The following RARB variants were observed in gnomAD, a reference collection of about 807,000 sequenced individuals.
RARB encodes HBV-activated protein.
In RARB, 17 loss-of-function variants were observed where a neutral mutation model predicts 51.9. The observed-to-expected ratio is 0.33, with a 90% CI of 0.22 to 0.49. The LOEUF is 0.49. RARB is among the 20% of genes least tolerant of loss of function. The pLI is 0.99. For missense variants in RARB, 369 were observed against 550.8 expected (o/e 0.67, Z 3.30); for synonymous variants, 215 against 195.4 (o/e 1.10, Z -0.84).
At chr3:25,555,258 A>T (rs1412400942) in intron 3 of RARB, among the ~76,000 whole-genome samples, 1 of 151,804 alleles carries the variant, frequency 6.6e-6, no homozygotes, top group Non-Finnish European at 1.5e-5. Context: ...TTGCTCCTTC[A>T]CCTCTTTCAG....
At chr3:25,332,407 A>T (rs1704926877) in intron 5 of RARB, among the ~76,000 whole-genome samples, 1 of 152,276 alleles carries the variant, frequency 6.6e-6, no homozygotes, top group Non-Finnish European at 1.5e-5. Flanking sequence ...GCATATAAAC[A>T]GAACCAATGA....
intron 3 of RARB, among the ~76,000 whole-genome samples, chr3:25,072,572 A>G (rs937212124): frequency 2.0e-5 from 3 of 152,220 alleles, no homozygotes; most frequent in Non-Finnish European, 4.4e-5. Flanking sequence ...CTGGGTTTTC[A>G]GATACAAAGA....
At chr3:25,397,893 A>AG (rs1469506996) in intron 5 of RARB, among the ~76,000 whole-genome samples, 1 of 151,584 alleles carries the variant, frequency 6.6e-6, no homozygotes, top group Admixed American at 6.6e-5. Flanking sequence ...ATTAGAAAAA[A>AG]AAAAAATTCT....
intron 5 of RARB, chr3:25,324,525 G>T: frequency 6.3e-6 from 1 of 159,962 alleles, no homozygotes; most frequent in Non-Finnish European, 1.4e-5. Flanking sequence ...CAACTCCAAG[G>T]ACACTATCAA....
intron 2 of RARB, among the ~76,000 whole-genome samples, chr3:25,055,446 T>C (rs1020362559): frequency 7.2e-5 from 11 of 152,138 alleles, no homozygotes; most frequent in African/African-American, 2.7e-4. Context: ...GTACAATATA[T>C]ATACAGAGAT....
rs991538562 is a variant in RARB at position 25,565,397 on chromosome 3, C to T, written c.449-4361C>T. Among the ~76,000 whole-genome samples the T allele has an allele frequency of 2.6e-5, 4 of 152,014 alleles. No individual in the cohort carries two copies. In the East Asian group the frequency reaches 5.8e-4, roughly 22 times the overall value. ...TCAGTATTGTGGTAAATAATACTCTCGTATATTAATTGCAGTACATGTAAT... is the reference window on the plus strand; with the variant it reads ...TCAGTATTGTGGTAAATAATACTCTTGTATATTAATTGCAGTACATGTAAT... On this transcript the variant is annotated intron_variant, in intron 3 of 7. Transcript: ENST00000330688.
chr3:25,506,806 C>T lies in RARB; in HGVS notation c.448+5483C>T, dbSNP rs116492295. 4.5e-3 allele frequency among the ~76,000 whole-genome samples: 690 copies of T among 152,378 alleles called. 8 individuals carry two copies. Among genetic ancestry groups the T allele is most frequent in the African/African-American group, 0.016 (662 of 41,604 alleles). ...CAATGTCTGCTTTAAGTGGCTCATC[C>T]GGTGGCCAAGGATGCCACTTAGGGC... On this transcript the variant is annotated intron_variant, in intron 3 of 7. Coordinates refer to ENST00000330688, the MANE Select transcript of RARB (RefSeq NM_000965.5).
chr3:25,102,023 C>T (rs913440050), intron 3 of RARB, among the ~76,000 whole-genome samples: 3 of 152,044 alleles, frequency 2.0e-5, no homozygotes, highest in Admixed American at 6.6e-5. Context: ...GTCCTTAAAC[C>T]AACATTTTTG....
At chr3:25,026,869 G>A (rs1697760358) in intron 2 of RARB, among the ~76,000 whole-genome samples, 1 of 152,156 alleles carries the variant, frequency 6.6e-6, no homozygotes, top group South Asian at 2.1e-4. Flanking sequence ...TAGCAATTCT[G>A]TAACACAATA....
intron 2 of RARB, among the ~76,000 whole-genome samples, chr3:24,876,447 A>G (rs1452457930): frequency 6.6e-6 from 1 of 152,166 alleles, no homozygotes; most frequent in African/African-American, 2.4e-5. Context: ...TTAGAATCCA[A>G]TGAAAATAAG....
At chr3:25,419,118 A>G (rs1390920173) in intron 5 of RARB, among the ~76,000 whole-genome samples, 1 of 152,076 alleles carries the variant, frequency 6.6e-6, no homozygotes, top group African/African-American at 2.4e-5. Flanking sequence ...ATAATCTAAT[A>G]GTAATAAGCT....
intron 2 of RARB, among the ~76,000 whole-genome samples, chr3:25,471,692 A>G (rs368637788): frequency 6.6e-6 from 1 of 152,062 alleles, no homozygotes; most frequent in Non-Finnish European, 1.5e-5. Flanking sequence ...TTAAACGTTC[A>G]GGAATGCTTG....
Position 25,286,151 on chromosome 3 carries a change from T to C in RARB, c.178+111576T>C, listed in dbSNP as rs191190474. On this transcript the variant is annotated intron_variant, in intron 5 of 11. Transcript: ENST00000383772. ...TCACCAAGGCTGGAGTGCAGTGGCA[T>C]GATCTCAGCTCACTGCAAGCTCCAT... Among the ~76,000 whole-genome samples, 103 of 140,860 alleles carry C rather than the reference T, an allele frequency of 7.3e-4. 1 individual carries two copies. Among genetic ancestry groups the C allele is most frequent in the East Asian group, 5.1e-3 (23 of 4,508 alleles). The allele number at this position is 140,860 out of a possible 152,430, so 92.4% of individuals were successfully genotyped here.
intron 2 of RARB, among the ~76,000 whole-genome samples, chr3:24,937,009 G>A (rs1426297000): frequency 6.6e-6 from 1 of 152,198 alleles, no homozygotes; most frequent in Non-Finnish European, 1.5e-5. Context: ...GACTGTTGAA[G>A]CTGTCATGAG....
intron 3 of RARB, among the ~76,000 whole-genome samples, chr3:25,569,098 C>T (rs1438670182): frequency 2.6e-5 from 4 of 152,148 alleles, no homozygotes; most frequent in Admixed American, 6.5e-5. Flanking sequence ...TGGCTACCAG[C>T]GAATAAGGGA....
chr3:25,033,671 G>C (rs540298042), intron 2 of RARB, among the ~76,000 whole-genome samples: 2 of 152,254 alleles, frequency 1.3e-5, no homozygotes, highest in South Asian at 2.1e-4. Flanking sequence ...GAAGATTTCA[G>C]AGAGCAGTGG....
intron 5 of RARB, among the ~76,000 whole-genome samples, chr3:25,207,621 A>T (rs1701582719): frequency 6.6e-6 from 1 of 152,156 alleles, no homozygotes; most frequent in South Asian, 2.1e-4. Flanking sequence ...ATACCAAATC[A>T]TTTACTTAAT....
At chr3:25,582,369 A>G (rs74858602) in intron 5 of RARB, among the ~76,000 whole-genome samples, 3,115 of 152,224 alleles carry the variant, frequency 0.02, 99 homozygotes, top group African/African-American at 0.069. Flanking sequence ...CAGCAAATCA[A>G]GTCCACAGCA....
chr3:24,974,632 T>G (rs552642488), intron 2 of RARB, among the ~76,000 whole-genome samples: 1 of 152,252 alleles, frequency 6.6e-6, no homozygotes, highest in South Asian at 2.1e-4. Context: ...TGTGGATTCA[T>G]TAGGCTCCTA....
Sources: gnomAD v4.1 joint callset for allele counts (sites outside exome capture counted in the v4.1 genomes callset) on GRCh38, gnomAD v4.1.1 for gene constraint, MANE v1.5 for transcripts, NCBI Gene and HGNC (gene_info 2026-07-23, HGNC 2026-07-21) for gene names.